PLCXD2: variants seen among roughly 807,000 people sequenced by gnomAD.
PLCXD2 encodes PI-PLC X domain-containing protein 2.
Under a neutral mutation model 28.6 loss-of-function variants are expected in PLCXD2, and 21 were observed. That is an observed-to-expected ratio of 0.73 (90% CI 0.52 to 1.06). The LOEUF (loss-of-function observed/expected upper bound fraction) is 1.06, where lower values mean the gene tolerates loss of function less well. Among genes scored for constraint, PLCXD2 ranks in the 50% least tolerant of loss-of-function variants. The pLI is 0.00. For synonymous variants in PLCXD2, 140 were observed against 150.1 expected (o/e 0.93, Z 0.49); for missense variants, 369 against 376.7 (o/e 0.98, Z 0.17).
intron 3 of PLCXD2, chr3:111,721,007 C>G: frequency 5.0e-6 from 2 of 401,368 alleles, no homozygotes; most frequent in Non-Finnish European, 8.9e-6. Context: ...TTTTTTTTCT[C>G]CCTTCCTCAC....
At chr3:111,692,579 A>G (rs1940904147) in intron 1 of PLCXD2, 1 of 152,236 alleles carries the variant, frequency 6.6e-6, no homozygotes, top group Admixed American at 6.5e-5. Context: ...AAGCCTCTAT[A>G]TGAAAGAAAA....
chr3:111,705,724 A>C (rs1404477146), intron 1 of PLCXD2, among the ~76,000 whole-genome samples: 1 of 150,374 alleles, frequency 6.7e-6, no homozygotes. Context: ...ATGATACCTC[A>C]TTGTGGTTTT....
At chr3:111,691,899 G>A (rs910286346) in intron 1 of PLCXD2, among the ~76,000 whole-genome samples, 1 of 152,152 alleles carries the variant, frequency 6.6e-6, no homozygotes, top group Non-Finnish European at 1.5e-5. Context: ...TGCCCAGCCT[G>A]GCATTAGGTA....
intron 1 of PLCXD2, among the ~76,000 whole-genome samples, chr3:111,678,678 T>G (rs1940663606): frequency 6.6e-6 from 1 of 152,216 alleles, no homozygotes; most frequent in Non-Finnish European, 1.5e-5. Context: ...GTATCTAAAT[T>G]TCTCAGGACA....
At chr3:111,686,299 G>T (rs1217561003) in intron 1 of PLCXD2, among the ~76,000 whole-genome samples, 1 of 152,114 alleles carries the variant, frequency 6.6e-6, no homozygotes. Flanking sequence ...ATGCACCTTG[G>T]CTTCTCAGCA....
chr3:111,678,209 G>C (rs1206146623), intron 1 of PLCXD2, among the ~76,000 whole-genome samples: 1 of 152,196 alleles, frequency 6.6e-6, no homozygotes, highest in Non-Finnish European at 1.5e-5. Flanking sequence ...ACAGAGCCTT[G>C]ATGTATTATT....
chr3:111,690,894 C>T (rs2107846597), intron 1 of PLCXD2, among the ~76,000 whole-genome samples: 1 of 152,246 alleles, frequency 6.6e-6, no homozygotes, highest in East Asian at 1.9e-4. Context: ...TTTTCAAAGT[C>T]CCAATGATAA....
chr3:111,705,847 C>T (rs1941111151), intron 1 of PLCXD2, among the ~76,000 whole-genome samples: 2 of 150,374 alleles, frequency 1.3e-5, no homozygotes, highest in Non-Finnish European at 3.0e-5. Flanking sequence ...GAGGTTGAGG[C>T]TGAAGTGAAT....
chr3:111,692,654 G>A (rs955837272), intron 1 of PLCXD2: 3 of 152,032 alleles, frequency 2.0e-5, no homozygotes, highest in Non-Finnish European at 4.4e-5. Context: ...TTATTGAGAG[G>A]GTAACCAAAT....
chr3:111,701,045 G>C (rs1365850966), intron 1 of PLCXD2, among the ~76,000 whole-genome samples: 1 of 152,166 alleles, frequency 6.6e-6, no homozygotes, highest in Non-Finnish European at 1.5e-5. Context: ...TAATAAGATA[G>C]AGAGGAACAA....
chr3:111,697,612 G>C lies in PLCXD2; in HGVS notation c.164-10314G>C, dbSNP rs551741027. On this transcript the variant is annotated intron_variant, in intron 1 of 4. Coordinates refer to ENST00000477665, the MANE Select transcript of PLCXD2 (RefSeq NM_001185106.1). ...TATTTGGTATTTGAGAAAACTGATAGGGTTTTTTTGATGGGTTGGGAAGAC... is the reference window on the plus strand; with the variant it reads ...TATTTGGTATTTGAGAAAACTGATACGGTTTTTTTGATGGGTTGGGAAGAC... 2.6e-5 allele frequency among the ~76,000 whole-genome samples: 4 copies of C among 152,212 alleles called. 1 individual carries two copies. The highest frequency in any genetic ancestry group is 7.2e-5 in the African/African-American group (3 of 41,532).
chr3:111,712,708 G>A lies in PLCXD2; in HGVS notation c.625-1179G>A, dbSNP rs549333900. ...TGACATCCAGAGCTCTTGTTCTTGGGTGCCCGGGAGGATTACCCTCTGTGG... is the reference window on the plus strand; with the variant it reads ...TGACATCCAGAGCTCTTGTTCTTGGATGCCCGGGAGGATTACCCTCTGTGG... On this transcript the variant is annotated intron_variant, in intron 2 of 4. Transcript: ENST00000477665. Among the ~76,000 whole-genome samples, 13 of 152,310 alleles carry A rather than the reference G, an allele frequency of 8.5e-5. No homozygotes were observed. The South Asian group carries it at 2.7e-3, about 32-fold the overall frequency.
intron 2 of PLCXD2, among the ~76,000 whole-genome samples, chr3:111,711,952 A>T (rs1235923761): frequency 1.3e-5 from 2 of 152,192 alleles, no homozygotes; most frequent in African/African-American, 4.8e-5. Context: ...AGGAAATGAG[A>T]CTTTTAATCT....
intron 1 of PLCXD2, among the ~76,000 whole-genome samples, chr3:111,699,786 C>T (rs1025996113): frequency 2.6e-5 from 4 of 152,154 alleles, no homozygotes; most frequent in African/African-American, 9.7e-5. Flanking sequence ...TACTAGGAGG[C>T]ATGATAAGGA....
intron 1 of PLCXD2, chr3:111,692,576 T>C (rs1430881290): frequency 1.3e-5 from 2 of 152,232 alleles, no homozygotes; most frequent in African/African-American, 4.8e-5. Flanking sequence ...TAAAAGCCTC[T>C]ATATGAAAGA....
intron 1 of PLCXD2, among the ~76,000 whole-genome samples, chr3:111,676,207 G>A (rs1273010356): frequency 6.6e-6 from 1 of 152,172 alleles, no homozygotes; most frequent in African/African-American, 2.4e-5. Context: ...AGTTTGGCCT[G>A]GTGTGCTGAG....
intron 1 of PLCXD2, among the ~76,000 whole-genome samples, chr3:111,684,521 G>T (rs1940765070): frequency 6.6e-6 from 1 of 151,916 alleles, no homozygotes; most frequent in Non-Finnish European, 1.5e-5. Flanking sequence ...AGGCATGATG[G>T]CGGGCGTCTG....
chr3:111,676,391 TTTTG>T (rs973451872), intron 1 of PLCXD2, among the ~76,000 whole-genome samples: 1 of 152,178 alleles, frequency 6.6e-6, no homozygotes, highest in Non-Finnish European at 1.5e-5. Context: ...TGGTTGGTTT[TTTTG>T]TTTGTTTGTT....
chr3:111,710,188 G>T (rs898988037), intron 2 of PLCXD2, among the ~76,000 whole-genome samples: 1 of 152,142 alleles, frequency 6.6e-6, no homozygotes, highest in Non-Finnish European at 1.5e-5. Context: ...TTAACTCTTA[G>T]TATCTGCTAA....
Sources: gnomAD v4.1 joint callset for allele counts (sites outside exome capture counted in the v4.1 genomes callset) on GRCh38, gnomAD v4.1.1 for gene constraint, MANE v1.5 for transcripts, NCBI Gene and HGNC (gene_info 2026-07-23, HGNC 2026-07-21) for gene names.